DPP6: variants seen among roughly 807,000 people sequenced by gnomAD.
DPP6 encodes A-type potassium channel modulatory protein DPP6.
A neutral mutation model predicts 122.6 loss-of-function variants in DPP6; 69 were observed. The observed-to-expected ratio is 0.56, with a 90% CI of 0.46 to 0.69. The LOEUF (loss-of-function observed/expected upper bound fraction) is 0.69. Among genes scored for constraint, DPP6 ranks in the 30% least tolerant of loss-of-function variants. The pLI, the probability that DPP6 is intolerant of heterozygous loss-of-function variation, is 0.00. For missense variants in DPP6, 928 were observed against 1,116.9 expected (o/e 0.83, Z 2.41); for synonymous variants, 418 against 433.1 (o/e 0.97, Z 0.43).
At chr7:154,213,473 G>A (rs184743652) in intron 1 of DPP6, among the ~76,000 whole-genome samples, 1 of 152,144 alleles carries the variant, frequency 6.6e-6, no homozygotes, top group African/African-American at 2.4e-5. Flanking sequence ...GTGAGGAATT[G>A]CTGCAAGGAC....
At chr7:154,829,649 G>T (rs899778668) in intron 16 of DPP6, among the ~76,000 whole-genome samples, 2 of 152,106 alleles carry the variant, frequency 1.3e-5, no homozygotes, top group African/African-American at 4.8e-5. Context: ...CAATTAGATG[G>T]TTTTCAGCAG....
intron 1 of DPP6, among the ~76,000 whole-genome samples, chr7:154,083,224 G>A (rs983649450): frequency 6.6e-6 from 1 of 152,094 alleles, no homozygotes; most frequent in African/African-American, 2.4e-5. Flanking sequence ...AGTGCACTGG[G>A]CTGCTACATG....
chr7:153,849,275 CTT>C, the DPP6 span, among the ~76,000 whole-genome samples: 28 of 146,718 alleles, frequency 1.9e-4, no homozygotes, highest in East Asian at 8.0e-4. Flanking sequence ...TATATGTTTT[CTT>C]TTTTTTTTTT....
At chr7:154,004,910 A>G (rs904283830) in intron 1 of DPP6, among the ~76,000 whole-genome samples, 2 of 152,216 alleles carry the variant, frequency 1.3e-5, no homozygotes, top group African/African-American at 4.8e-5. Context: ...TGCTGTCTGT[A>G]CATTTGTCGC....
intron 1 of DPP6, among the ~76,000 whole-genome samples, chr7:153,904,192 C>T (rs1034726615): frequency 1.3e-5 from 2 of 152,134 alleles, no homozygotes; most frequent in African/African-American, 4.8e-5. Context: ...GCTGGGACTA[C>T]AGGCACGCAC....
intron 1 of DPP6, among the ~76,000 whole-genome samples, chr7:153,933,360 T>C (rs536380413): frequency 6.6e-6 from 1 of 152,312 alleles, no homozygotes; most frequent in African/African-American, 2.4e-5. Flanking sequence ...GTACAGGCAC[T>C]CCCAGGAAGG....
intron 1 of DPP6, among the ~76,000 whole-genome samples, chr7:154,153,169 T>C (rs576461522): frequency 1.4e-4 from 21 of 152,362 alleles, no homozygotes; most frequent in African/African-American, 4.8e-4. Context: ...CTGCCGCTTA[T>C]ACAAGAGGGG....
At chr7:153,847,991 G>A in the DPP6 span, among the ~76,000 whole-genome samples, 2 of 152,094 alleles carry the variant, frequency 1.3e-5, no homozygotes, top group South Asian at 2.1e-4. Flanking sequence ...CCTGCCTCAC[G>A]TGTACTGGGA....
At chr7:154,697,038 T>C (rs1840259387) in intron 7 of DPP6, among the ~76,000 whole-genome samples, 4 of 152,220 alleles carry the variant, frequency 2.6e-5, no homozygotes, top group Admixed American at 6.5e-5. Flanking sequence ...GTTGAATTCC[T>C]GAGTCCACTA....
intron 7 of DPP6, among the ~76,000 whole-genome samples, chr7:154,686,014 G>C (rs960432227): frequency 6.6e-6 from 1 of 152,176 alleles, no homozygotes; most frequent in African/African-American, 2.4e-5. Flanking sequence ...CTCACTGCAT[G>C]GCTGTGCAGG....
chr7:154,800,811 G>C (rs1458369855), intron 12 of DPP6, among the ~76,000 whole-genome samples: 1 of 152,152 alleles, frequency 6.6e-6, no homozygotes, highest in Admixed American at 6.5e-5. Context: ...TTGCCTTCTT[G>C]ATGGGCTATT....
At chr7:154,709,576 C>T (rs909994348) in intron 7 of DPP6, among the ~76,000 whole-genome samples, 10 of 116,980 alleles carry the variant, frequency 8.5e-5, no homozygotes, top group African/African-American at 2.0e-4. Context: ...TGTAAGACAA[C>T]GACATTTTTC....
rs547144574 is a variant in DPP6, at chr7:154,090,385, G to A, written c.243+37322G>A. Among the ~76,000 whole-genome samples the A allele has an allele frequency of 5.3e-5, 8 of 152,252 alleles. No homozygotes were observed. In the South Asian group the frequency reaches 1.2e-3, roughly 24 times the overall value. On this transcript the variant is annotated intron_variant, in intron 1 of 25. Transcript: ENST00000377770. The stretch of plus-strand genomic sequence containing the variant: ...TCAGGTTCTGTGTAGCTTAGGATCC[G>A]GTTGCTAATTGGCTTGAAACATTTA...
chr7:154,863,926 C>G lies in DPP6; in HGVS notation c.1715-4069C>G. On this transcript the variant is annotated intron_variant, in intron 17 of 25. Coordinates refer to ENST00000377770, the MANE Select transcript of DPP6 (RefSeq NM_130797.4). This position sits in a 1 kb window ranked among gnomAD's most constrained non-coding sequence, Gnocchi z 4.1. ...TCTTCGAATATGACTAATGGCCTAGCCCTGGGGTAAGCGGACGGCAGCTGC... is the reference window on the plus strand; with the variant it reads ...TCTTCGAATATGACTAATGGCCTAGGCCTGGGGTAAGCGGACGGCAGCTGC... Among the ~76,000 whole-genome samples the G allele has an allele frequency of 6.6e-6, 1 of 152,026 alleles. No homozygotes were observed. The highest frequency in any genetic ancestry group is 2.1e-4 in the South Asian group (1 of 4,820).
intron 1 of DPP6, among the ~76,000 whole-genome samples, chr7:154,037,397 G>A (rs1277316601): frequency 6.6e-6 from 1 of 151,440 alleles, no homozygotes; most frequent in African/African-American, 2.4e-5. Context: ...GCAGTCACAT[G>A]TATTTTTCAG....
At chr7:154,725,173 A>T (rs181502244) in intron 7 of DPP6, among the ~76,000 whole-genome samples, 1 of 152,218 alleles carries the variant, frequency 6.6e-6, no homozygotes, top group Admixed American at 6.5e-5. Flanking sequence ...TGCCCACTGC[A>T]TAATTGTTAA....
chr7:154,063,887 T>A (rs1253266227), intron 1 of DPP6, among the ~76,000 whole-genome samples: 1 of 150,744 alleles, frequency 6.6e-6, no homozygotes, highest in Non-Finnish European at 1.5e-5. Flanking sequence ...TGAAGGAGAA[T>A]CATGTCAGGA....
intron 1 of DPP6, among the ~76,000 whole-genome samples, chr7:153,918,024 C>T (rs1800402815): frequency 6.6e-6 from 1 of 152,144 alleles, no homozygotes; most frequent in Admixed American, 6.5e-5. Flanking sequence ...GTGTCTGATA[C>T]AGTGATTGTT....
intron 1 of DPP6, among the ~76,000 whole-genome samples, chr7:153,956,838 C>G (rs1802482927): frequency 6.6e-6 from 1 of 152,136 alleles, no homozygotes; most frequent in Admixed American, 6.5e-5. Flanking sequence ...GAAGCAACTT[C>G]ATTGTGCAAC....
Sources: gnomAD v4.1 joint callset for allele counts (sites outside exome capture counted in the v4.1 genomes callset) on GRCh38, gnomAD v4.1.1 for gene constraint, Gnocchi (gnomAD v3.1) non-coding constraint, MANE v1.5 for transcripts, NCBI Gene and HGNC (gene_info 2026-07-23, HGNC 2026-07-21) for gene names.